SORBS2: variants seen among roughly 807,000 people sequenced by gnomAD.
The protein encoded by SORBS2 is sorbin and SH3 domain containing 2.
Under a neutral mutation model 97.7 loss-of-function variants are expected in SORBS2, and 46 were observed. That is an observed-to-expected ratio of 0.47 (90% confidence interval 0.37 to 0.60). The LOEUF (loss-of-function observed/expected upper bound fraction) is 0.60. Among genes scored for constraint, SORBS2 ranks in the 20% least tolerant of loss-of-function variants. The probability of loss-of-function intolerance (pLI) is 0.00; values close to 1 mark genes in which losing one functional copy is unlikely to be tolerated. For missense variants in SORBS2, 1,316 were observed against 1,282.3 expected, an observed-to-expected ratio of 1.03 and a Z score of -0.40; for synonymous variants, 476 against 473.4, an observed-to-expected ratio of 1.01 and a Z score of -0.07.
intron 1 of SORBS2, among the ~76,000 whole-genome samples, chr4:185,905,711 A>C (rs1489330347): frequency 2.6e-5 from 4 of 151,802 alleles, no homozygotes. Context: ...CAATCCTCCC[A>C]CCTCAGCCTC....
At chr4:185,856,428 C>T (rs754437694) in intron 1 of SORBS2, among the ~76,000 whole-genome samples, 50 of 152,260 alleles carry the variant, frequency 3.3e-4, no homozygotes, top group South Asian at 1.2e-3. Flanking sequence ...AGGAGACACA[C>T]AATAGAAGTC....
intron 1 of SORBS2, among the ~76,000 whole-genome samples, chr4:185,882,695 G>A (rs1412446465): frequency 1.3e-5 from 2 of 152,126 alleles, no homozygotes; most frequent in African/African-American, 4.8e-5. Context: ...ACTTACCATA[G>A]GACTGTGATA....
chr4:185,734,787 A>T (rs1421812775), intron 2 of SORBS2, among the ~76,000 whole-genome samples: 3 of 152,182 alleles, frequency 2.0e-5, no homozygotes, highest in Admixed American at 2.0e-4. Flanking sequence ...CCTTCTCCCT[A>T]CTGGGGCTTC....
chr4:185,929,696 C>A (rs1411228354), intron 1 of SORBS2, among the ~76,000 whole-genome samples: 1 of 151,920 alleles, frequency 6.6e-6, no homozygotes, highest in Non-Finnish European at 1.5e-5. Context: ...CCACCACGCC[C>A]AGCTGATTTT....
intron 1 of SORBS2, among the ~76,000 whole-genome samples, chr4:185,908,348 T>TATATTTGTATAC (rs1561289871): frequency 1.4e-4 from 20 of 144,406 alleles, no homozygotes; most frequent in African/African-American, 4.3e-4. Flanking sequence ...TATATATATA[T>TATATTTGTATAC]ACACATATAT....
chr4:185,632,006 T>C (rs1359973460), intron 4 of SORBS2, among the ~76,000 whole-genome samples: 2 of 152,244 alleles, frequency 1.3e-5, no homozygotes, highest in Non-Finnish European at 2.9e-5. Context: ...AATGTTGTCT[T>C]AAGTTGCCAT....
At chr4:185,847,052 T>C (rs2099214955) in intron 1 of SORBS2, among the ~76,000 whole-genome samples, 1 of 152,090 alleles carries the variant, frequency 6.6e-6, no homozygotes, top group African/African-American at 2.4e-5. Context: ...AGAGACAAGA[T>C]TTTTTATAAT....
intron 1 of SORBS2, among the ~76,000 whole-genome samples, chr4:185,933,843 G>A (rs1474588412): frequency 4.6e-5 from 7 of 152,126 alleles, no homozygotes; most frequent in African/African-American, 2.4e-5. Flanking sequence ...AATATCAGTG[G>A]CATTTCAGTG....
chr4:185,888,059 A>ATATTAT (rs148021041), intron 1 of SORBS2, among the ~76,000 whole-genome samples: 51 of 148,900 alleles, frequency 3.4e-4, no homozygotes, highest in Middle Eastern at 3.5e-3. Context: ...CTGACATTCT[A>ATATTAT]TATTATTATT....
At chr4:185,635,489 G>T in intron 4 of SORBS2, 78 bp from the exon 16 acceptor site, 1 of 1,060,528 alleles carries the variant, frequency 9.4e-7, no homozygotes, top group Non-Finnish European at 1.4e-6. Flanking sequence ...GAATGAACAT[G>T]TGGAAAAGGT....
chr4:185,752,696 A>C (rs147818594), intron 2 of SORBS2, among the ~76,000 whole-genome samples: 1 of 152,262 alleles, frequency 6.6e-6, no homozygotes, highest in Admixed American at 6.5e-5. Flanking sequence ...AGTCCTTTAC[A>C]GAAATAATTC....
At chr4:185,862,045 C>A (rs1202232972) in intron 1 of SORBS2, among the ~76,000 whole-genome samples, 1 of 152,156 alleles carries the variant, frequency 6.6e-6, no homozygotes, top group Non-Finnish European at 1.5e-5. Flanking sequence ...GAGAGCATTA[C>A]AACCACAGCA....
intron 2 of SORBS2, among the ~76,000 whole-genome samples, chr4:185,700,507 A>C (rs112281237): frequency 6.6e-5 from 10 of 152,146 alleles, no homozygotes; most frequent in African/African-American, 2.4e-4. Context: ...CCTTAGGGTT[A>C]ATGCTCTTAA....
chr4:185,909,846 T>C (rs1355170157), intron 1 of SORBS2, among the ~76,000 whole-genome samples: 1 of 151,978 alleles, frequency 6.6e-6, no homozygotes, highest in Non-Finnish European at 1.5e-5. Context: ...TTGCCAGGCA[T>C]GGTGGCAGGT....
At chr4:185,624,427 A>G (rs111673888) in exon 7 of SORBS2, 2 of 1,613,898 alleles carry the variant, frequency 1.2e-6, no homozygotes. Context: ...AATCTAACTC[A>G]CTGGAGGGGT....
chr4:185,640,500 G>C (rs2097108638), intron 4 of SORBS2, among the ~76,000 whole-genome samples: 1 of 152,120 alleles, frequency 6.6e-6, no homozygotes, highest in African/African-American at 2.4e-5. Context: ...GAAATCTTGA[G>C]ATATTTTTCC....
intron 2 of SORBS2, among the ~76,000 whole-genome samples, chr4:185,767,417 G>C (rs1230281928): frequency 3.5e-5 from 5 of 141,146 alleles, no homozygotes; most frequent in Admixed American, 7.6e-5. Context: ...GGGGAATGGC[G>C]TGAACCCGGG....
intron 1 of SORBS2, among the ~76,000 whole-genome samples, chr4:185,817,523 C>A (rs988527379): frequency 2.0e-5 from 3 of 152,182 alleles, no homozygotes; most frequent in African/African-American, 7.2e-5. Flanking sequence ...TAGAGTGTAG[C>A]TCCCATGACC....
chr4:185,591,009 C>T lies in SORBS2; in HGVS notation c.2847-1224G>A, dbSNP rs571928508. 3.9e-5 allele frequency among the ~76,000 whole-genome samples: 6 copies of T among 152,184 alleles called. No individual in the cohort carries two copies. The East Asian group carries it at 7.7e-4, about 20-fold the overall frequency. On this transcript the variant is annotated intron_variant, in intron 13 of 14. Transcript: ENST00000418609. ...TAAAAAAGTTGATAATCTTGACTAC[C>T]GCTCCGGAACAAGAATGATTTATTT...
Sources: allele counts gnomAD v4.1 joint callset (sites outside exome capture counted in the v4.1 genomes callset), GRCh38; gene constraint gnomAD v4.1.1; transcripts MANE v1.5; gene names NCBI Gene and HGNC (gene_info 2026-07-23, HGNC 2026-07-21).